The following DLC1 variants were observed in gnomAD, a reference collection of about 807,000 sequenced individuals.
DLC1 encodes DLC1 Rho GTPase activating protein, also known as rho GTPase-activating protein 7.
In DLC1, 54 loss-of-function variants were observed where a neutral mutation model predicts 140.3. The ratio of observed to expected loss-of-function variants is 0.38; its 90% CI spans 0.31 to 0.48. The LOEUF is 0.48. DLC1 is among the 20% of genes least tolerant of loss of function. The pLI is 0.96. For synonymous variants in DLC1, 986 were observed against 728.1 expected (o/e 1.35, Z -5.70); for missense variants, 2,536 against 1,907.0 (o/e 1.33, Z -6.14).
chr8:13,167,685 C>G (rs1825199597), intron 5 of DLC1, among the ~76,000 whole-genome samples: 1 of 152,152 alleles, frequency 6.6e-6, no homozygotes, highest in African/African-American at 2.4e-5. Context: ...GAATGAATTT[C>G]TAATAACAAT....
At chr8:13,586,402 C>G (rs1398606793) in intron 1 of DLC1, among the ~76,000 whole-genome samples, 2 of 151,962 alleles carry the variant, frequency 1.3e-5, no homozygotes, top group Non-Finnish European at 2.9e-5. Flanking sequence ...AGGGAAGAGT[C>G]AAAGATGGCT....
chr8:13,399,250 G>C (rs1457261776), intron 3 of DLC1, among the ~76,000 whole-genome samples: 1 of 152,134 alleles, frequency 6.6e-6, no homozygotes, highest in Non-Finnish European at 1.5e-5. Flanking sequence ...AGGGAATTCT[G>C]GTTCTGGAAG....
intron 3 of DLC1, among the ~76,000 whole-genome samples, chr8:13,398,383 G>A (rs780945236): frequency 6.6e-6 from 1 of 152,040 alleles, no homozygotes; most frequent in African/African-American, 2.4e-5. Context: ...AATACAGAAT[G>A]TTGTGGTGAG....
At chr8:13,132,145 C>G (rs1394395427) in intron 5 of DLC1, among the ~76,000 whole-genome samples, 1 of 151,930 alleles carries the variant, frequency 6.6e-6, no homozygotes, top group Non-Finnish European at 1.5e-5. Flanking sequence ...GGGTGGGCAT[C>G]CCCAAGGGGG....
At chr8:13,572,095 A>AT (rs3066468) in intron 1 of DLC1, among the ~76,000 whole-genome samples, 49,993 of 142,684 alleles carry the variant, frequency 0.35, 9,373 homozygotes, top group East Asian at 0.52. Context: ...ATTATTATTT[A>AT]TTTTTTTTTT....
chr8:13,306,324 C>T (rs1461376370), intron 4 of DLC1, among the ~76,000 whole-genome samples: 1 of 152,088 alleles, frequency 6.6e-6, no homozygotes, highest in African/African-American at 2.4e-5. Flanking sequence ...TTGTGGATAC[C>T]ACTAAACAAA....
chr8:13,453,068 A>G (rs1392508041), intron 2 of DLC1, among the ~76,000 whole-genome samples: 1 of 152,008 alleles, frequency 6.6e-6, no homozygotes, highest in Non-Finnish European at 1.5e-5. Flanking sequence ...CTCATTTTAT[A>G]GAAGAAATGA....
intron 4 of DLC1, among the ~76,000 whole-genome samples, chr8:13,366,054 A>C (rs1387090908): frequency 1.3e-5 from 2 of 152,220 alleles, no homozygotes; most frequent in Non-Finnish European, 2.9e-5. Flanking sequence ...ACCAAACAAG[A>C]TTAATTTCTA....
At chr8:13,342,094 A>G (rs1484186990) in intron 4 of DLC1, 1 of 152,202 alleles carries the variant, frequency 6.6e-6, no homozygotes, top group East Asian at 1.9e-4. Context: ...CAAAACAAAA[A>G]CTATTTCTGA....
At position 13,100,271 on chromosome 8, in the gene DLC1, T is replaced by G; in HGVS notation, c.2066A>C (p.Lys689Thr). Reference protein sequence around the residue: ...SHHSKHKAPSKLGLIISGPIL... With the variant: ...SHHSKHKAPSTLGLIISGPIL... ...GGGCCCGCTGATGATCAACCCCAGCTTTGAGGGCGCTTTGTGCTTGCTGTG... is the reference window on the plus strand; with the variant it reads ...GGGCCCGCTGATGATCAACCCCAGCGTTGAGGGCGCTTTGTGCTTGCTGTG... The change falls in exon 9 of 18, where the codon AAG becomes ACG. Residue 689 changes from lysine to threonine, a missense_variant. Physicochemically the swap from Lys to Thr is moderately conservative, Grantham distance 78 (BLOSUM62 -1). Transcript: ENST00000276297. The G allele has an allele frequency of 6.2e-7, 1 of 1,614,142 alleles. No individual in the cohort carries two copies. The highest frequency in any genetic ancestry group is 8.5e-7 in the Non-Finnish European group (1 of 1,180,042).
At chr8:13,578,101 A>T (rs73665148) in intron 1 of DLC1, among the ~76,000 whole-genome samples, 1 of 151,688 alleles carries the variant, frequency 6.6e-6, no homozygotes, top group African/African-American at 2.4e-5. Context: ...CAGTGAACCA[A>T]CTCCCTGGGA....
At chr8:13,183,420 T>A (rs1378753826) in intron 5 of DLC1, among the ~76,000 whole-genome samples, 1 of 152,214 alleles carries the variant, frequency 6.6e-6, no homozygotes, top group East Asian at 1.9e-4. Flanking sequence ...GCTTCCAGTT[T>A]TTGCCCTTTC....
intron 2 of DLC1, among the ~76,000 whole-genome samples, chr8:13,419,808 C>T (rs1397938853): frequency 1.3e-5 from 2 of 152,140 alleles, no homozygotes; most frequent in African/African-American, 4.8e-5. Context: ...CTCCTTGCAC[C>T]TCTGGTAGAA....
chr8:13,281,540 T>C (rs1831366705), intron 5 of DLC1, among the ~76,000 whole-genome samples: 1 of 152,198 alleles, frequency 6.6e-6, no homozygotes, highest in Non-Finnish European at 1.5e-5. Context: ...AGTACCATGA[T>C]TTATAGATAT....
intron 4 of DLC1, among the ~76,000 whole-genome samples, chr8:13,357,059 A>G (rs1382531757): frequency 6.6e-6 from 1 of 151,952 alleles, no homozygotes; most frequent in Non-Finnish European, 1.5e-5. Context: ...ACTTGAGGCC[A>G]GGAGTTTGAG....
intron 5 of DLC1, among the ~76,000 whole-genome samples, chr8:13,286,416 A>G (rs1831537639): frequency 6.6e-6 from 1 of 152,030 alleles, no homozygotes; most frequent in Admixed American, 6.5e-5. Context: ...TGTCAATGAT[A>G]AAATGTATTT....
At chr8:13,239,405 G>A (rs1035399853) in intron 5 of DLC1, among the ~76,000 whole-genome samples, 2 of 152,124 alleles carry the variant, frequency 1.3e-5, no homozygotes, top group Admixed American at 6.5e-5. Context: ...AGAGTGTTGA[G>A]TTGGGTTACA....
intron 2 of DLC1, among the ~76,000 whole-genome samples, chr8:13,422,876 G>T (rs1441583844): frequency 6.6e-6 from 1 of 152,110 alleles, no homozygotes; most frequent in African/African-American, 2.4e-5. Flanking sequence ...CTGATTGGGT[G>T]ATATGGCCCA....
chr8:13,174,151 T>G (rs1045916198), intron 5 of DLC1, among the ~76,000 whole-genome samples: 2 of 152,196 alleles, frequency 1.3e-5, no homozygotes, highest in African/African-American at 2.4e-5. Context: ...CTTAGGATAA[T>G]GGCCTCCAGC....
Sources: gnomAD v4.1 joint callset for allele counts (sites outside exome capture counted in the v4.1 genomes callset) on GRCh38, gnomAD v4.1.1 for gene constraint, MANE v1.5 for transcripts, NCBI Gene and HGNC (gene_info 2026-07-23, HGNC 2026-07-21) for gene names.